The following YARS2 variants were observed in gnomAD, a reference collection of about 807,000 sequenced individuals.
The protein encoded by YARS2 is tyrosine--tRNA ligase, mitochondrial.
In YARS2, 38 loss-of-function variants were observed where a neutral mutation model predicts 45.0. That is an observed-to-expected ratio of 0.84 (90% confidence interval 0.65 to 1.11). The LOEUF (loss-of-function observed/expected upper bound fraction) is 1.11. Ranked by LOEUF, YARS2 falls within the 50% of genes least tolerant of loss-of-function variation. The probability of loss-of-function intolerance (pLI) is 0.00; values close to 1 mark genes in which losing one functional copy is unlikely to be tolerated. For synonymous variants in YARS2, 287 were observed against 245.1 expected (o/e 1.17, Z -1.60); for missense variants, 602 against 599.8 (o/e 1.00, Z -0.04).
In YARS2 at chr12:32,747,284, G is replaced by A. The variant is rs1378175057; in HGVS notation, c.1354C>T (p.Gln452Ter). The change falls in exon 5 of 5, where the codon CAA becomes TAA. Residue 452 changes from glutamine (Q) to a stop codon, truncating the protein, a stop_gained. Transcript: ENST00000324868. LOFTEE classifies it high-confidence loss of function. The stretch of plus-strand genomic sequence containing the variant: ...GAAAGTCCATTCTTGAGAATATGTT[G>A]TCCAACAATTAAAACACTCTCAGGA... ...TNPESVLIVG[Q>*]HILKNGLSLL... The A allele has an allele frequency of 2.5e-6, 4 of 1,613,808 alleles. No homozygotes were observed. The East Asian group carries it at 8.9e-5, about 36-fold the overall frequency.
chr12:32,751,016 G>A, intron 2 of YARS2, 142 bp from the exon 3 acceptor site: 1 of 914,892 alleles, frequency 1.1e-6, no homozygotes, highest in Non-Finnish European at 1.6e-6. Flanking sequence ...TAGGTCCCAT[G>A]CACACATCAC....
chr12:32,753,931 C>A lies in YARS2; in HGVS notation c.934G>T (p.Asp312Tyr). 1 of 1,614,162 alleles carries A rather than the reference C, an allele frequency of 6.2e-7. No homozygotes were observed. The highest frequency in any genetic ancestry group is 1.1e-5 in the South Asian group (1 of 91,070). Residue 312 changes from aspartate (D) to tyrosine (Y), a missense_variant, in exon 2 of 5, where the codon GAT becomes TAT. Asp to Tyr is a radical substitution (Grantham distance 160). Transcript: ENST00000324868. Reference protein sequence around the residue: ...LYQFFVRQPDDSVERYLKLFT... With the variant: ...LYQFFVRQPDYSVERYLKLFT... ...TTCAGAACTCACCTTTCCACTGAAT[C>A]GTCCGGTTGCCTGACAAAGAATTGA...
intron 1 of YARS2, 28 bp downstream of exon 1, chr12:32,755,068 G>T (rs757872373): frequency 6.2e-7 from 1 of 1,613,994 alleles, no homozygotes; most frequent in South Asian, 1.1e-5. Flanking sequence ...TTGGTCCCAG[G>T]ATTTCCCCAA....
At chr12:32,754,220 C>T in intron 1 of YARS2, 135 bp from the exon 2 acceptor site, 1 of 1,002,916 alleles carries the variant, frequency 1.0e-6, no homozygotes, top group Non-Finnish European at 1.5e-6. Flanking sequence ...AATTCTTGTT[C>T]CTCTTATGTA....
chr12:32,755,073 C>T, intron 1 of YARS2, 23 bp downstream of exon 1: 1 of 1,614,090 alleles, frequency 6.2e-7, no homozygotes, highest in Non-Finnish European at 8.5e-7. Flanking sequence ...CCCAGGATTT[C>T]CCCAAGGTTT....
At chr12:32,750,673 C>T in intron 3 of YARS2, 46 bp downstream of exon 3, 1 of 1,607,628 alleles carries the variant, frequency 6.2e-7, no homozygotes, top group Non-Finnish European at 8.5e-7. Flanking sequence ...TCATGTCTAT[C>T]CACTGAATAA....
In YARS2 at chr12:32,747,048, G is replaced by A. The variant is rs1285665719; in HGVS notation, c.*156C>T. Reference sequence around the variant, plus strand: ...ATTATTAAACAAATATTTATTAACCGGCCCATAAAAATAATGAAGTTACTC... The same window carrying A: ...ATTATTAAACAAATATTTATTAACCAGCCCATAAAAATAATGAAGTTACTC... On this transcript the variant is annotated 3_prime_UTR_variant, in exon 5 of 5. Transcript: ENST00000324868. 9.2e-6 allele frequency: 6 copies of A among 654,594 alleles called. No homozygotes were observed. Among genetic ancestry groups the A allele is most frequent in the Admixed American group, 9.0e-5 (3 of 33,190 alleles). The allele number at this position is 654,594 out of a possible 1,614,324, so 40.5% of individuals were successfully genotyped here.
In YARS2 at chr12:32,749,497, C is replaced by T. The variant is rs181373037; in HGVS notation, c.1274+440G>A. Among the ~76,000 whole-genome samples the T allele has an allele frequency of 3.3e-5, 5 of 152,264 alleles. No individual in the cohort carries two copies. The South Asian group carries it at 8.3e-4, about 25-fold the overall frequency. On this transcript the variant is annotated intron_variant, in intron 4 of 4. Coordinates refer to ENST00000324868, the MANE Select transcript of YARS2 (RefSeq NM_001040436.3). ...TCTCAGGCTATACTTTATTCTTGGA[C>T]TAAACTAACTTTTCTAAGGAAGAGA...
Position 32,750,578 on chromosome 12 carries a change from A to G in YARS2, c.1103+141T>C, listed in dbSNP as rs1003160963. On this transcript the variant is annotated intron_variant, in intron 3 of 4. Coordinates refer to ENST00000324868, the MANE Select transcript of YARS2 (RefSeq NM_001040436.3). The stretch of plus-strand genomic sequence containing the variant: ...AAGATAATCCTTCTTTCCAATAAAC[A>G]GGGGCTATTTTAAATTGCTAAGTCA... 8.5e-6 allele frequency: 9 copies of G among 1,053,430 alleles called. No individual in the cohort carries two copies. The African/African-American group carries it at 9.5e-5, about 11-fold the overall frequency. 65.3% of individuals were successfully genotyped at this position (1,053,430 alleles called of 1,614,324 possible). A position where few individuals can be genotyped will look rare whatever the true frequency, so the allele number is the denominator to read the frequency against.
intron 4 of YARS2, among the ~76,000 whole-genome samples, chr12:32,749,671 C>T (rs550132747): frequency 5.3e-5 from 8 of 152,162 alleles, no homozygotes; most frequent in Non-Finnish European, 1.2e-4. Context: ...AGCTCTGCCT[C>T]CCGGGTTGAT....
In YARS2 at chr12:32,750,719, C is replaced by T; in HGVS notation, c.1103G>A (p.Arg368Lys). ...AGTGTTAATCATACTAAACTACTAC[C>T]TTTTAGCAGAATCCAATCCTTCTCG... ...HGREGLDSAKRCTQALYHSSI... is the reference protein window; with the variant it reads ...HGREGLDSAKKCTQALYHSSI... Residue 368 changes from arginine (R) to lysine (K), a missense_variant and splice_region_variant, in exon 3 of 5, where the codon AGG (arginine) becomes AAG (lysine). Transcript: ENST00000324868. The T allele has an allele frequency of 1.9e-6, 3 of 1,613,840 alleles. No individual in the cohort carries two copies. Among genetic ancestry groups the T allele is most frequent in the Non-Finnish European group, 2.5e-6 (3 of 1,180,014 alleles).
intron 2 of YARS2, among the ~76,000 whole-genome samples, 175 bp from the exon 3 acceptor site, chr12:32,751,049 T>G (rs1414217947): frequency 6.6e-6 from 1 of 151,920 alleles, no homozygotes; most frequent in Non-Finnish European, 1.5e-5. Context: ...TGTTACTATT[T>G]TGGCATCTTT....
chr12:32,747,180 T>C lies in YARS2; in HGVS notation c.*24A>G, dbSNP rs368305831. On this transcript the variant is annotated 3_prime_UTR_variant, in exon 5 of 5. Coordinates refer to ENST00000324868, the MANE Select transcript of YARS2 (RefSeq NM_001040436.3). ...GAGAATGAATGATGGGTAAGTTTAT[T>C]TGGACAACCAGAAGGACTTTTCATC... 3.0e-4 allele frequency: 481 copies of C among 1,611,080 alleles called. No individual in the cohort carries two copies. Among genetic ancestry groups the C allele is most frequent in the Non-Finnish European group, 3.8e-4 (452 of 1,179,380 alleles).
intron 2 of YARS2, among the ~76,000 whole-genome samples, chr12:32,752,961 G>C (rs1036820172): frequency 2.6e-5 from 4 of 152,096 alleles, no homozygotes; most frequent in African/African-American, 9.7e-5. Flanking sequence ...AGCTTGTCAA[G>C]TTCCACAAAA....
chr12:32,754,581 AGAGGCTAG>A (rs1314597413), intron 1 of YARS2, among the ~76,000 whole-genome samples: 2 of 152,346 alleles, frequency 1.3e-5, no homozygotes, highest in East Asian at 3.9e-4. Context: ...GAGCTAAAGC[AGAGGCTAG>A]CTACTCAAGG....
At chr12:32,749,187 C>T (rs1039669492) in intron 4 of YARS2, among the ~76,000 whole-genome samples, 1 of 152,090 alleles carries the variant, frequency 6.6e-6, no homozygotes, top group Admixed American at 6.6e-5. Context: ...TCAGTTAATA[C>T]TATAGATAGG....
chr12:32,753,844 C>T, intron 2 of YARS2, 74 bp downstream of exon 2: 1 of 1,582,212 alleles, frequency 6.3e-7, no homozygotes, highest in Non-Finnish European at 8.7e-7. Flanking sequence ...ATAAAATGTA[C>T]ATAGATTCAA....
chr12:32,747,622 C>T (rs565787478), intron 4 of YARS2, among the ~76,000 whole-genome samples: 10 of 152,304 alleles, frequency 6.6e-5, no homozygotes, highest in Admixed American at 2.6e-4. Context: ...CTGCAACCTC[C>T]GCCTCCTGTG....
chr12:32,752,812 A>G (rs1160295055), intron 2 of YARS2: 1 of 343,770 alleles, frequency 2.9e-6, no homozygotes, highest in East Asian at 7.7e-5. Context: ...ATATCGTCAA[A>G]CATTCTAGGA....
Sources: allele counts gnomAD v4.1 joint callset (sites outside exome capture counted in the v4.1 genomes callset), GRCh38; gene constraint gnomAD v4.1.1; transcripts MANE v1.5; gene names NCBI Gene and HGNC (gene_info 2026-07-23, HGNC 2026-07-21).